PCDHGB3: variants seen among roughly 807,000 people sequenced by gnomAD.
The protein encoded by PCDHGB3 is protocadherin gamma subfamily B, 3.
A neutral mutation model predicts 59.2 loss-of-function variants in PCDHGB3; 40 were observed. That is an observed-to-expected ratio of 0.68 (90% CI 0.52 to 0.88). The LOEUF (loss-of-function observed/expected upper bound fraction) is 0.88. Among genes scored for constraint, PCDHGB3 ranks in the 40% least tolerant of loss-of-function variants. PCDHGB3 has a pLI of 0.00. For synonymous variants in PCDHGB3, 581 were observed against 503.6 expected (o/e 1.15, Z -2.06); for missense variants, 1,309 against 1,187.9 (o/e 1.10, Z -1.50).
intron 1 of PCDHGB3, among the ~76,000 whole-genome samples, chr5:141,473,431 G>T (rs541546681): frequency 3.3e-5 from 5 of 152,148 alleles, no homozygotes; most frequent in Non-Finnish European, 7.3e-5. Flanking sequence ...CAGATACTTT[G>T]CTTATGCAAA....
intron 1 of PCDHGB3, chr5:141,409,428 C>T (rs2095264686): frequency 6.2e-7 from 1 of 1,613,870 alleles, no homozygotes; most frequent in Admixed American, 1.7e-5. Context: ...ACAGATGGAG[C>T]CCTGGACCGA....
intron 1 of PCDHGB3, chr5:141,419,186 A>G: frequency 1.2e-6 from 2 of 1,613,940 alleles, no homozygotes; most frequent in Non-Finnish European, 1.7e-6. Context: ...CCTGCACATT[A>G]CTGACGTCAA....
chr5:141,423,708 T>A (rs1384948123), intron 1 of PCDHGB3: 23 of 1,349,902 alleles, frequency 1.7e-5, no homozygotes, highest in Non-Finnish European at 2.2e-5. Flanking sequence ...TTGGCACAAG[T>A]CTTTTAAGGA....
chr5:141,374,243 C>A, intron 1 of PCDHGB3: 1 of 1,614,000 alleles, frequency 6.2e-7, no homozygotes, highest in Non-Finnish European at 8.5e-7. Flanking sequence ...GGATCTGGGA[C>A]TGGAGCCCCA....
chr5:141,467,095 C>G (rs930625426), intron 1 of PCDHGB3, among the ~76,000 whole-genome samples: 2 of 150,094 alleles, frequency 1.3e-5, no homozygotes, highest in African/African-American at 4.9e-5. Context: ...CTCTGTCACA[C>G]AGGCTGGAGT....
At chr5:141,461,278 C>T (rs2099012353) in intron 1 of PCDHGB3, among the ~76,000 whole-genome samples, 1 of 152,086 alleles carries the variant, frequency 6.6e-6, no homozygotes, top group South Asian at 2.1e-4. Context: ...GTTCTCTTTT[C>T]CCCACATCCA....
intron 1 of PCDHGB3, chr5:141,398,280 C>T (rs1001902282): frequency 1.4e-5 from 19 of 1,405,808 alleles, no homozygotes; most frequent in Non-Finnish European, 1.8e-5. Context: ...GGAACCTCGC[C>T]ACGGACCTGG....
intron 1 of PCDHGB3, chr5:141,384,644 C>G (rs757384812): frequency 6.2e-7 from 1 of 1,614,234 alleles, no homozygotes; most frequent in Non-Finnish European, 8.5e-7. Flanking sequence ...CCCCGCTCCG[C>G]AGAGCCCGGC....
At chr5:141,443,481 G>C (rs1025329476) in intron 1 of PCDHGB3, among the ~76,000 whole-genome samples, 3 of 152,114 alleles carry the variant, frequency 2.0e-5, no homozygotes, top group African/African-American at 7.2e-5. Context: ...ATTAGACCCT[G>C]TCCCAAAACA....
intron 1 of PCDHGB3, among the ~76,000 whole-genome samples, chr5:141,397,514 A>G (rs537343615): frequency 1.3e-5 from 2 of 152,324 alleles, no homozygotes; most frequent in Non-Finnish European, 2.9e-5. Context: ...TTGTTTCCAT[A>G]GCTAATAAAA....
chr5:141,457,579 A>G (rs557894260), intron 1 of PCDHGB3, among the ~76,000 whole-genome samples: 123 of 152,346 alleles, frequency 8.1e-4, no homozygotes, highest in Non-Finnish European at 1.4e-3. Flanking sequence ...TTTTCTCTCC[A>G]GTCCTCATTT....
chr5:141,462,423 G>A (rs1367388191), intron 1 of PCDHGB3, among the ~76,000 whole-genome samples: 1 of 151,820 alleles, frequency 6.6e-6, no homozygotes, highest in East Asian at 1.9e-4. Context: ...GTCTATCTTG[G>A]TGAGTGTTGC....
Position 141,487,203 on chromosome 5 carries a change from G to A in PCDHGB3, c.2416-7604G>A, listed in dbSNP as rs765707343. 6.8e-6 allele frequency: 11 copies of A among 1,613,804 alleles called. No homozygotes were observed. The highest frequency in any genetic ancestry group is 5.3e-5 in the African/African-American group (4 of 74,890). The stretch of plus-strand genomic sequence containing the variant: ...ACTCATCCAGTTGTCCCAGATCTTC[G>A]AGAATCTTCAGCTCCAAGGGAAGGA... On this transcript the variant is annotated intron_variant, in intron 1 of 3. Transcript: ENST00000576222. This position sits in a 1 kb window ranked among gnomAD's most constrained non-coding sequence, Gnocchi z 5.0.
intron 1 of PCDHGB3, among the ~76,000 whole-genome samples, chr5:141,450,572 T>A (rs1276283357): frequency 6.6e-6 from 1 of 151,710 alleles, no homozygotes; most frequent in African/African-American, 2.4e-5. Flanking sequence ...CTGCAACTTC[T>A]GCCTCCCAGG....
In PCDHGB3 at chr5:141,383,574, C is replaced by T. The variant is rs1338805390; in HGVS notation, c.2415+10765C>T. The stretch of plus-strand genomic sequence containing the variant: ...GCGGCGACCCGCCCCGATCCAGCAC[C>T]GCCCACATCCAGGTGACAGTGGTGG... On this transcript the variant is annotated intron_variant, in intron 1 of 3. Transcript: ENST00000576222. The T allele has an allele frequency of 3.7e-6, 6 of 1,613,366 alleles. No homozygotes were observed. In the South Asian group the frequency reaches 5.5e-5, roughly 15 times the overall value.
chr5:141,408,404 G>C lies in PCDHGB3; in HGVS notation c.2415+35595G>C, dbSNP rs372659902. ...GGATGTGTCGGCTCGCAAGCTGCGAGTGAGCGCGGAGAAGCTGCACTTCAG... is the reference window on the plus strand; with the variant it reads ...GGATGTGTCGGCTCGCAAGCTGCGACTGAGCGCGGAGAAGCTGCACTTCAG... On this transcript the variant is annotated intron_variant, in intron 1 of 3. Transcript: ENST00000576222. 6.2e-4 allele frequency: 1,002 copies of C among 1,614,072 alleles called. 1 individual carries two copies. The highest frequency in any genetic ancestry group is 8.3e-4 in the Non-Finnish European group (980 of 1,179,896).
In PCDHGB3 at chr5:141,372,524, A is replaced by T; in HGVS notation, c.2130A>T (p.Ala710=). 6.2e-7 allele frequency: 1 copy of T among 1,613,968 alleles called. No individual in the cohort carries two copies. Among genetic ancestry groups the T allele is most frequent in the Non-Finnish European group, 8.5e-7 (1 of 1,179,868 alleles). The change falls in exon 1 of 4, where the codon GCA becomes GCT. Residue 710 remains alanine, a synonymous_variant. Transcript: ENST00000576222. ...SVLFLLAVIL[A]ISLRLRCSSR... ...TCTTCCTCCTCGCGGTGATTCTGGC[A>T]ATCTCCCTGCGCCTGCGATGCTCCT...
chr5:141,441,442 C>G (rs938839707), intron 1 of PCDHGB3: 1 of 160,500 alleles, frequency 6.2e-6, no homozygotes, highest in African/African-American at 2.4e-5. Context: ...CTCGTCCAGC[C>G]CAAGCATCAC....
intron 1 of PCDHGB3, chr5:141,427,535 C>T (rs746067304): frequency 8.0e-6 from 5 of 626,498 alleles, no homozygotes; most frequent in South Asian, 7.6e-5. Flanking sequence ...CGGAGTACAA[C>T]GTCACCATCA....
Sources: allele counts gnomAD v4.1 joint callset (sites outside exome capture counted in the v4.1 genomes callset), GRCh38; gene constraint gnomAD v4.1.1; non-coding constraint Gnocchi (gnomAD v3.1); transcripts MANE v1.5; gene names NCBI Gene and HGNC (gene_info 2026-07-23, HGNC 2026-07-21).